The following APP variants were observed in gnomAD, a reference collection of about 807,000 sequenced individuals.
APP encodes amyloid beta precursor protein.
A neutral mutation model predicts 101.4 loss-of-function variants in APP; 31 were observed. The observed-to-expected ratio is 0.31, with a 90% CI of 0.23 to 0.41. The LOEUF is 0.41. Ranked by LOEUF, APP falls within the 10% of genes least tolerant of loss-of-function variation. The pLI is 1.00. For missense variants in APP, 839 were observed against 1,003.7 expected, an observed-to-expected ratio of 0.84 and a Z score of 2.22; for synonymous variants, 366 against 364.4, an observed-to-expected ratio of 1.00 and a Z score of -0.05.
chr21:25,976,150 TTACA>T (rs2042215609), intron 9 of APP, 122 bp from the exon 10 acceptor site: 1 of 735,718 alleles, frequency 1.4e-6, no homozygotes, highest in South Asian at 1.6e-5. Context: ...AAAAAATTTA[TTACA>T]TACCCCTTCC....
At chr21:25,913,822 A>G (rs1163686749) in intron 13 of APP, among the ~76,000 whole-genome samples, 1 of 151,478 alleles carries the variant, frequency 6.6e-6, no homozygotes, top group Non-Finnish European at 1.5e-5. Context: ...CATCCCTGTC[A>G]TTTTCTTCTT....
chr21:25,970,022 G>A (rs1435058788), intron 11 of APP, among the ~76,000 whole-genome samples: 3 of 146,036 alleles, frequency 2.1e-5, no homozygotes, highest in Non-Finnish European at 3.0e-5. Flanking sequence ...GAGAGAGAGA[G>A]AAAATAAATA....
chr21:26,146,224 T>C (rs2063151562), intron 1 of APP, among the ~76,000 whole-genome samples: 1 of 152,118 alleles, frequency 6.6e-6, no homozygotes, highest in Non-Finnish European at 1.5e-5. Flanking sequence ...TAATCCCAGG[T>C]ACTCGGGAGG....
intron 2 of APP, among the ~76,000 whole-genome samples, chr21:26,093,987 G>A (rs1391221866): frequency 3.3e-5 from 5 of 151,998 alleles, no homozygotes; most frequent in African/African-American, 4.8e-5. Flanking sequence ...CATGGCACAC[G>A]CCTGTTAAGT....
At chr21:26,040,829 C>T (rs902580335) in intron 5 of APP, among the ~76,000 whole-genome samples, 2 of 152,106 alleles carry the variant, frequency 1.3e-5, no homozygotes, top group African/African-American at 4.8e-5. Context: ...ACTGTTCTCC[C>T]AGTATCTCAC....
intron 2 of APP, among the ~76,000 whole-genome samples, chr21:26,109,033 G>T (rs1387848996): frequency 6.6e-6 from 1 of 152,158 alleles, no homozygotes; most frequent in Non-Finnish European, 1.5e-5. Flanking sequence ...GCCTAATGTT[G>T]AAGAATCTGG....
intron 3 of APP, among the ~76,000 whole-genome samples, chr21:26,085,721 CA>C (rs1330007331): frequency 1.3e-5 from 2 of 152,110 alleles, no homozygotes; most frequent in African/African-American, 4.8e-5. Flanking sequence ...ACATCCTTTC[CA>C]TGCTAAAGAA....
In APP at chr21:26,053,018, G is replaced by C. The variant is rs45554132; in HGVS notation, c.468+218C>G. 3.7e-3 allele frequency among the ~76,000 whole-genome samples: 564 copies of C among 152,214 alleles called. 4 individuals are homozygous for C. The highest frequency in any genetic ancestry group is 6.7e-3 in the Non-Finnish European group (459 of 68,010). ...GGATGGGGAGGCTGCGCATGTGTGG[G>C]GACAGGGGGTACACGGGAACTCTAT... On this transcript the variant is annotated intron_variant, in intron 4 of 17. Transcript: ENST00000346798.
intron 1 of APP, among the ~76,000 whole-genome samples, chr21:26,126,286 C>T (rs1207787640): frequency 6.6e-6 from 1 of 152,078 alleles, no homozygotes; most frequent in East Asian, 1.9e-4. Context: ...AATAGAAGTG[C>T]CTCTTCAGAT....
intron 17 of APP, among the ~76,000 whole-genome samples, 157 bp from the exon 18 acceptor site, chr21:25,881,928 AAC>A (rs1339916397): frequency 6.6e-6 from 1 of 152,174 alleles, no homozygotes; most frequent in African/African-American, 2.4e-5. Flanking sequence ...CTTGGAGCAG[AAC>A]GCCTTTGCCC....
chr21:25,967,602 C>A (rs2041843602), intron 11 of APP, among the ~76,000 whole-genome samples: 1 of 152,178 alleles, frequency 6.6e-6, no homozygotes, highest in Non-Finnish European at 1.5e-5. Context: ...AATAAAAAAT[C>A]CCTATCTGGC....
chr21:26,120,990 T>TCC (rs2062554998), intron 1 of APP, among the ~76,000 whole-genome samples: 1 of 151,546 alleles, frequency 6.6e-6, no homozygotes, highest in Non-Finnish European at 1.5e-5. Context: ...ACACGTAGGC[T>TCC]CCCGCCCAGC....
At chr21:26,058,898 G>A (rs1276284410) in intron 3 of APP, among the ~76,000 whole-genome samples, 14 of 152,014 alleles carry the variant, frequency 9.2e-5, no homozygotes, top group African/African-American at 2.4e-4. Context: ...TGGCTAACAC[G>A]GTGAAACCCC....
In APP at chr21:25,881,506, C is replaced by A. The variant is rs970148921; in HGVS notation, c.*164G>T. On this transcript the variant is annotated 3_prime_UTR_variant, in exon 18 of 18. Transcript: ENST00000346798. ...TACATTACTGATGTGTGGATTAATTCAAGTTCAGGCATCTACTTGTGTTAC... is the reference window on the plus strand; with the variant it reads ...TACATTACTGATGTGTGGATTAATTAAAGTTCAGGCATCTACTTGTGTTAC... 6 of 752,550 alleles carry A rather than the reference C, an allele frequency of 8.0e-6. No individual in the cohort carries two copies. In the African/African-American group the frequency reaches 8.6e-5, roughly 11 times the overall value. 46.6% of individuals were successfully genotyped at this position (752,550 alleles called of 1,614,324 possible). A position where few individuals can be genotyped will look rare whatever the true frequency, so the allele number is the denominator to read the frequency against.
At chr21:26,007,024 C>G (rs1476391689) in intron 6 of APP, among the ~76,000 whole-genome samples, 1 of 152,008 alleles carries the variant, frequency 6.6e-6, no homozygotes, top group Admixed American at 6.6e-5. Context: ...CACAATCAAA[C>G]TAGTCATTTA....
chr21:25,952,830 C>T (rs558596515), intron 13 of APP, among the ~76,000 whole-genome samples: 13 of 152,264 alleles, frequency 8.5e-5, no homozygotes, highest in African/African-American at 3.1e-4. Flanking sequence ...CATTTTGTAC[C>T]TTCTACAACT....
chr21:26,051,349 AT>A (rs769083557), intron 4 of APP, among the ~76,000 whole-genome samples, 156 bp from the exon 5 acceptor site: 1 of 151,536 alleles, frequency 6.6e-6, no homozygotes, highest in East Asian at 1.9e-4. Context: ...TTACAACAGG[AT>A]TTTTTTTAGC....
At chr21:26,095,229 C>T (rs771663346) in intron 2 of APP, among the ~76,000 whole-genome samples, 34 of 152,102 alleles carry the variant, frequency 2.2e-4, no homozygotes, top group Non-Finnish European at 3.8e-4. Flanking sequence ...TCCTCCTGTC[C>T]TGGCCTCCCA....
chr21:26,079,159 C>G (rs533843281), intron 3 of APP, among the ~76,000 whole-genome samples: 1 of 151,754 alleles, frequency 6.6e-6, no homozygotes, highest in Non-Finnish European at 1.5e-5. Flanking sequence ...TGTTTCCTTT[C>G]TCTGCTTGGG....
Sources: allele counts gnomAD v4.1 joint callset (sites outside exome capture counted in the v4.1 genomes callset), GRCh38; gene constraint gnomAD v4.1.1; transcripts MANE v1.5; gene names NCBI Gene and HGNC (gene_info 2026-07-23, HGNC 2026-07-21).